Variants in GPR141 observed in about 807,000 individuals in gnomAD.
GPR141 encodes probable G protein-coupled receptor 141.
Under a neutral mutation model 6.8 loss-of-function variants are expected in GPR141, and 6 were observed. The ratio of observed to expected loss-of-function variants is 0.88; its 90% CI spans 0.48 to 1.74. The LOEUF is 1.74. Among genes scored for constraint, GPR141 ranks in the 40% most tolerant of loss-of-function variants. The pLI, the probability that GPR141 is intolerant of heterozygous loss-of-function variation, is 0.01. For synonymous variants in GPR141, 140 were observed against 142.3 expected, an observed-to-expected ratio of 0.98 and a Z score of 0.11; for missense variants, 372 against 372.9, an observed-to-expected ratio of 1.00 and a Z score of 0.02.
Position 37,743,551 on chromosome 7 carries a change from TA to T in GPR141, c.*2248del, listed in dbSNP as rs56393958. 0.82 allele frequency among the ~76,000 whole-genome samples: 124,076 copies of T among 151,508 alleles called. 50,831 individuals are homozygous for T. The highest frequency in any genetic ancestry group is 0.86 in the Middle Eastern group (254 of 294). ...AAAATTTATAATACCTATAAATATG[TA>T]AAAAAAATTTAGAAAAATATTTAAA... On this transcript the variant is annotated 3_prime_UTR_variant, in exon 3 of 3. Coordinates refer to ENST00000334425, the MANE Select transcript of GPR141 (RefSeq NM_001381946.1).
At position 37,690,563 on chromosome 7, in the gene GPR141, C is replaced by T. The variant is rs530175178; in HGVS notation, c.-15+4980C>T. ...CTGCAGAGCCATGAGCCAAATAAAC[C>T]TCTTTTCTTATAAATTACCCAGTCT... On this transcript the variant is annotated intron_variant, in intron 2 of 2. Coordinates refer to ENST00000334425, the MANE Select transcript of GPR141 (RefSeq NM_001381946.1). 5.9e-5 allele frequency among the ~76,000 whole-genome samples: 9 copies of T among 152,236 alleles called. No homozygotes were observed. In the South Asian group the frequency reaches 1.9e-3, roughly 32 times the overall value.
At chr7:37,685,752 C>CTTTTTT (rs35789715) in intron 2 of GPR141, among the ~76,000 whole-genome samples, 169 bp downstream of exon 2, 1 of 113,142 alleles carries the variant, frequency 8.8e-6, no homozygotes, top group African/African-American at 3.4e-5. Flanking sequence ...CCTGGCAGCA[C>CTTTTTT]TTTTTTTTTT....
chr7:37,714,247 G>A (rs895599558), intron 2 of GPR141, among the ~76,000 whole-genome samples: 3 of 151,964 alleles, frequency 2.0e-5, no homozygotes, highest in Admixed American at 6.5e-5. Flanking sequence ...TACAGGGACT[G>A]GGATGCAGAC....
chr7:37,697,574 T>G (rs1026166), intron 2 of GPR141, among the ~76,000 whole-genome samples: 2 of 151,962 alleles, frequency 1.3e-5, no homozygotes, highest in Admixed American at 1.3e-4. Context: ...GGACCCTGAA[T>G]GCTGTGGTGG....
chr7:37,737,139 AAAG>A (rs1286880865), intron 2 of GPR141, among the ~76,000 whole-genome samples: 1 of 152,210 alleles, frequency 6.6e-6, no homozygotes, highest in Non-Finnish European at 1.5e-5. Flanking sequence ...TACACACACT[AAAG>A]AAAAGAAGCT....
intron 2 of GPR141, among the ~76,000 whole-genome samples, chr7:37,690,927 T>G (rs984997236): frequency 2.0e-5 from 3 of 152,238 alleles, no homozygotes; most frequent in African/African-American, 7.2e-5. Context: ...GTCTCCTGTG[T>G]TACTGTATTG....
At chr7:37,691,271 G>T (rs985875392) in intron 2 of GPR141, among the ~76,000 whole-genome samples, 128 of 79,140 alleles carry the variant, frequency 1.6e-3, no homozygotes, top group South Asian at 4.4e-3. Flanking sequence ...TTTTAACCTA[G>T]TTACCCAGTC....
At chr7:37,684,976 G>C (rs1354587081) in intron 1 of GPR141, among the ~76,000 whole-genome samples, 2 of 152,182 alleles carry the variant, frequency 1.3e-5, no homozygotes, top group African/African-American at 4.8e-5. Flanking sequence ...TTCCAGACCA[G>C]GGGTTGGCAA....
intron 2 of GPR141, among the ~76,000 whole-genome samples, chr7:37,713,155 A>G (rs934671054): frequency 2.0e-5 from 3 of 152,260 alleles, no homozygotes; most frequent in Non-Finnish European, 2.9e-5. Context: ...CTACAGTGGA[A>G]GAAACTGCAA....
At chr7:37,708,123 G>A (rs539936988) in intron 2 of GPR141, among the ~76,000 whole-genome samples, 62 of 152,052 alleles carry the variant, frequency 4.1e-4, no homozygotes, top group African/African-American at 1.4e-3. Context: ...CATTGAAACC[G>A]TCACAGCAGC....
chr7:37,717,829 C>A (rs542415312), intron 2 of GPR141, among the ~76,000 whole-genome samples: 2 of 152,188 alleles, frequency 1.3e-5, no homozygotes, highest in African/African-American at 4.8e-5. Flanking sequence ...CGTTACTGAA[C>A]AATCTTTATA....
At chr7:37,697,348 A>G (rs1215373732) in intron 2 of GPR141, among the ~76,000 whole-genome samples, 3 of 152,264 alleles carry the variant, frequency 2.0e-5, no homozygotes, top group Admixed American at 6.5e-5. Flanking sequence ...AGTAAATATC[A>G]TTAACCAAAT....
intron 2 of GPR141, among the ~76,000 whole-genome samples, chr7:37,731,442 A>G (rs998379473): frequency 7.9e-5 from 12 of 152,238 alleles, no homozygotes; most frequent in African/African-American, 2.4e-4. Flanking sequence ...ATTCCCATCA[A>G]TCTCTAGAAT....
intron 2 of GPR141, among the ~76,000 whole-genome samples, chr7:37,697,858 G>A (rs1810094619): frequency 2.6e-5 from 4 of 152,168 alleles, no homozygotes; most frequent in African/African-American, 9.7e-5. Flanking sequence ...CTAGTGGTTA[G>A]GAGCCTGGTT....
At chr7:37,707,064 A>G (rs549671210) in intron 2 of GPR141, among the ~76,000 whole-genome samples, 5 of 152,120 alleles carry the variant, frequency 3.3e-5, no homozygotes, top group African/African-American at 1.2e-4. Flanking sequence ...CCTTCCTGTT[A>G]AAAAGTGTCT....
chr7:37,740,089 A>G lies in GPR141; in HGVS notation c.-14-291A>G, dbSNP rs147779918. ...AAGTACTAGCTCCAGATGGTCTGCA[A>G]TCCTCCTGAAGTTTTATGTAAATTG... On this transcript the variant is annotated intron_variant, in intron 2 of 2. Transcript: ENST00000334425. Among the ~76,000 whole-genome samples the G allele has an allele frequency of 2.5e-3, 382 of 152,278 alleles. 2 individuals are homozygous for G. The highest frequency in any genetic ancestry group is 8.8e-3 in the African/African-American group (366 of 41,556).
chr7:37,710,338 A>C (rs1348989098), intron 2 of GPR141, among the ~76,000 whole-genome samples: 1 of 151,952 alleles, frequency 6.6e-6, no homozygotes, highest in Non-Finnish European at 1.5e-5. Context: ...AACTACATAG[A>C]CTCCATGCAA....
chr7:37,738,640 G>T (rs149894730), intron 2 of GPR141, among the ~76,000 whole-genome samples: 23 of 151,926 alleles, frequency 1.5e-4, no homozygotes, highest in African/African-American at 5.1e-4. Flanking sequence ...TGTGAGGTTG[G>T]GTTATTATTA....
intron 2 of GPR141, among the ~76,000 whole-genome samples, chr7:37,706,097 T>C (rs973829974): frequency 1.3e-5 from 2 of 152,184 alleles, no homozygotes; most frequent in Admixed American, 6.5e-5. Flanking sequence ...GAACTACAGG[T>C]CTTCTTCCTC....
Sources: gnomAD v4.1 joint callset for allele counts (sites outside exome capture counted in the v4.1 genomes callset) on GRCh38, gnomAD v4.1.1 for gene constraint, MANE v1.5 for transcripts, NCBI Gene and HGNC (gene_info 2026-07-23, HGNC 2026-07-21) for gene names.